CPS1: variants seen among roughly 807,000 people sequenced by gnomAD.
CPS1 encodes carbamoyl-phosphate synthase 1.
A neutral mutation model predicts 174.6 loss-of-function variants in CPS1; 109 were observed. That is an observed-to-expected ratio of 0.62 (90% CI 0.53 to 0.73). The LOEUF is 0.73. Among genes scored for constraint, CPS1 ranks in the 30% least tolerant of loss-of-function variants. The pLI, the probability that CPS1 is intolerant of heterozygous loss-of-function variation, is 0.00. For synonymous variants in CPS1, 637 were observed against 632.0 expected (o/e 1.01, Z -0.12); for missense variants, 1,689 against 1,821.9 (o/e 0.93, Z 1.33).
intron 1 of CPS1, among the ~76,000 whole-genome samples, chr2:210,488,721 T>A (rs1024602230): frequency 1.4e-4 from 21 of 152,210 alleles, no homozygotes; most frequent in African/African-American, 4.8e-4. Flanking sequence ...CTTGGGAAAG[T>A]AATGTTTTTC....
chr2:210,560,700 A>G (rs139238562), intron 1 of CPS1, among the ~76,000 whole-genome samples: 154 of 152,268 alleles, frequency 1.0e-3, no homozygotes, highest in Non-Finnish European at 1.7e-3. Flanking sequence ...AGCTATTGTC[A>G]TTTGATTAGA....
At chr2:210,616,630 T>C (rs1699318462) in intron 21 of CPS1, 89 bp downstream of exon 21, 2 of 858,760 alleles carry the variant, frequency 2.3e-6, no homozygotes, top group African/African-American at 3.3e-5. Flanking sequence ...TTGGTCTACA[T>C]TGTGATTCAA....
At chr2:210,610,663 G>T (rs1699081086) in intron 19 of CPS1, among the ~76,000 whole-genome samples, 1 of 151,826 alleles carries the variant, frequency 6.6e-6, no homozygotes, top group African/African-American at 2.4e-5. Flanking sequence ...AATGTGGTGG[G>T]AGGACGACTT....
intron 21 of CPS1, among the ~76,000 whole-genome samples, chr2:210,620,099 TA>T (rs1699459297): frequency 1.3e-5 from 2 of 151,890 alleles, no homozygotes; most frequent in African/African-American, 2.4e-5. Flanking sequence ...AAAAGAAATA[TA>T]AAAACAAGAA....
intron 1 of CPS1, among the ~76,000 whole-genome samples, chr2:210,569,538 C>G (rs967204531): frequency 6.6e-6 from 1 of 151,918 alleles, no homozygotes; most frequent in Non-Finnish European, 1.5e-5. Context: ...CAGTGATATC[C>G]TTATTGAAGT....
chr2:210,609,275 T>C (rs912382926), intron 19 of CPS1, among the ~76,000 whole-genome samples: 1 of 151,976 alleles, frequency 6.6e-6, no homozygotes, highest in African/African-American at 2.4e-5. Context: ...ATATCTCTGC[T>C]GAGATTCACT....
chr2:210,667,069 A>G (rs1701126847), intron 33 of CPS1, among the ~76,000 whole-genome samples: 1 of 152,100 alleles, frequency 6.6e-6, no homozygotes, highest in South Asian at 2.1e-4. Context: ...ATTCCTAAGT[A>G]TTTTATTCTC....
chr2:210,543,637 T>C (rs1043960047), intron 1 of CPS1, among the ~76,000 whole-genome samples: 44 of 152,128 alleles, frequency 2.9e-4, no homozygotes, highest in African/African-American at 1.0e-3. Context: ...TATATTGTAA[T>C]AAAATTTGTA....
At chr2:210,544,530 C>T (rs1696513439) in intron 1 of CPS1, among the ~76,000 whole-genome samples, 1 of 151,822 alleles carries the variant, frequency 6.6e-6, no homozygotes, top group Non-Finnish European at 1.5e-5. Flanking sequence ...TATTAAAACT[C>T]CTAATTCTGC....
intron 33 of CPS1, among the ~76,000 whole-genome samples, chr2:210,664,895 C>T (rs1034478716): frequency 6.6e-6 from 1 of 152,160 alleles, no homozygotes; most frequent in Non-Finnish European, 1.5e-5. Flanking sequence ...TTCAAAGAGA[C>T]ATTTTCAGTG....
chr2:210,489,171 AG>A (rs1483342372), intron 1 of CPS1, among the ~76,000 whole-genome samples: 1 of 152,184 alleles, frequency 6.6e-6, no homozygotes, highest in African/African-American at 2.4e-5. Context: ...GCCCTGAAAA[AG>A]GAAATCTCGA....
intron 1 of CPS1, among the ~76,000 whole-genome samples, chr2:210,486,068 ATGTATATATATG>A (rs1454556884): frequency 6.7e-6 from 1 of 148,848 alleles, no homozygotes; most frequent in African/African-American, 2.5e-5. Context: ...ATATATATAT[ATGTATATATATG>A]TGTATATATA....
chr2:210,512,247 T>G (rs1396957), intron 1 of CPS1, among the ~76,000 whole-genome samples: 61,654 of 151,772 alleles, frequency 0.41, 14,134 homozygotes, highest in Non-Finnish European at 0.52. Flanking sequence ...CATGTGCAGG[T>G]TTGTTACATG....
chr2:210,602,385 C>A (rs536974921), intron 16 of CPS1, 55 bp downstream of exon 16: 4 of 1,590,294 alleles, frequency 2.5e-6, no homozygotes, highest in African/African-American at 2.7e-5. Context: ...GCTTGATAGA[C>A]CTTTTCAACT....
chr2:210,519,134 T>C (rs951586859), intron 1 of CPS1, among the ~76,000 whole-genome samples: 1 of 152,040 alleles, frequency 6.6e-6, no homozygotes, highest in Admixed American at 6.6e-5. Context: ...TGTTCCTTGC[T>C]CTTTGTATAA....
intron 33 of CPS1, among the ~76,000 whole-genome samples, chr2:210,664,314 C>T (rs377077562): frequency 3.3e-5 from 5 of 152,002 alleles, no homozygotes; most frequent in African/African-American, 9.6e-5. Flanking sequence ...ATCTATTTTC[C>T]TTCATACTGT....
intron 27 of CPS1, 97 bp from the exon 28 acceptor site, chr2:210,650,266 C>G (rs62203740): frequency 7.1e-6 from 7 of 990,732 alleles, no homozygotes; most frequent in Non-Finnish European, 1.1e-5. Flanking sequence ...TATTCAGCCC[C>G]GACTGGAACT....
chr2:210,576,656 G>A (rs1346686081), intron 3 of CPS1, among the ~76,000 whole-genome samples, 166 bp downstream of exon 3: 1 of 152,056 alleles, frequency 6.6e-6, no homozygotes, highest in Non-Finnish European at 1.5e-5. Flanking sequence ...TCTTTAACTT[G>A]ACAGTATTTT....
At chr2:210,521,622 C>G (rs1260713749) in intron 1 of CPS1, among the ~76,000 whole-genome samples, 5 of 151,934 alleles carry the variant, frequency 3.3e-5, no homozygotes, top group Non-Finnish European at 7.4e-5. Context: ...TAATCCCATC[C>G]AGCAGATTTT....
Sources: gnomAD v4.1 joint callset for allele counts (sites outside exome capture counted in the v4.1 genomes callset) on GRCh38, gnomAD v4.1.1 for gene constraint, MANE v1.5 for transcripts, NCBI Gene and HGNC (gene_info 2026-07-23, HGNC 2026-07-21) for gene names.